Variants in CCSER1 observed in about 807,000 individuals in gnomAD.
The protein encoded by CCSER1 is serine-rich coiled-coil domain-containing protein 1.
In CCSER1, 41 loss-of-function variants were observed where a neutral mutation model predicts 82.0. The observed-to-expected ratio is 0.50, with a 90% CI of 0.39 to 0.65. The LOEUF (loss-of-function observed/expected upper bound fraction) is 0.65, where lower values mean the gene tolerates loss of function less well. Ranked by LOEUF, CCSER1 falls within the 30% of genes least tolerant of loss-of-function variation. CCSER1 has a pLI of 0.00. For synonymous variants in CCSER1, 414 were observed against 383.9 expected (o/e 1.08, Z -0.92); for missense variants, 1,119 against 1,064.2 (o/e 1.05, Z -0.72).
intron 4 of CCSER1, among the ~76,000 whole-genome samples, chr4:90,459,740 A>C (rs1011219656): frequency 1.1e-4 from 17 of 152,240 alleles, no homozygotes; most frequent in African/African-American, 3.9e-4. Context: ...TTATTAAAAT[A>C]AATGACACTT....
chr4:90,338,837 ATTGT>A (rs1740874732), intron 3 of CCSER1, among the ~76,000 whole-genome samples: 2 of 152,098 alleles, frequency 1.3e-5, no homozygotes, highest in Non-Finnish European at 2.9e-5. Flanking sequence ...ATAGCTTTTT[ATTGT>A]ATTGACATCA....
chr4:90,791,542 T>C (rs1258868631), intron 7 of CCSER1, among the ~76,000 whole-genome samples: 1 of 151,640 alleles, frequency 6.6e-6, no homozygotes, highest in Non-Finnish European at 1.5e-5. Context: ...TTTAATAACA[T>C]ATTTTTAAAT....
At chr4:90,731,997 T>C (rs17017488) in intron 7 of CCSER1, among the ~76,000 whole-genome samples, 68,238 of 150,206 alleles carry the variant, frequency 0.45, 16,304 homozygotes, top group African/African-American at 0.6. Flanking sequence ...AAGTCTGGTG[T>C]TGCACTGAAA....
chr4:91,070,463 T>A (rs765327787), intron 9 of CCSER1, among the ~76,000 whole-genome samples: 3 of 152,184 alleles, frequency 2.0e-5, no homozygotes, highest in Non-Finnish European at 4.4e-5. Flanking sequence ...TGTCAAGAAT[T>A]GTGCTCTTTG....
chr4:91,498,423 T>C (rs1210802533), intron 10 of CCSER1, among the ~76,000 whole-genome samples: 1 of 150,800 alleles, frequency 6.6e-6, no homozygotes, highest in Non-Finnish European at 1.5e-5. Flanking sequence ...AGAAAATCAC[T>C]CCTGAGTTTA....
At chr4:90,349,323 T>G (rs558018104) in intron 3 of CCSER1, among the ~76,000 whole-genome samples, 20 of 152,284 alleles carry the variant, frequency 1.3e-4, no homozygotes, top group African/African-American at 4.3e-4. Flanking sequence ...CCCTTGCATT[T>G]TAGATTTCTA....
chr4:90,200,377 A>G (rs1737454509), intron 1 of CCSER1, among the ~76,000 whole-genome samples: 1 of 152,176 alleles, frequency 6.6e-6, no homozygotes, highest in Non-Finnish European at 1.5e-5. Context: ...ATTTTAACCC[A>G]GAATAATAAA....
intron 5 of CCSER1, among the ~76,000 whole-genome samples, chr4:90,553,447 TA>T (rs1223920199): frequency 1.3e-5 from 2 of 152,218 alleles, no homozygotes; most frequent in African/African-American, 4.8e-5. Context: ...ATAAATTACT[TA>T]ATATTATTTC....
At chr4:90,922,286 G>A (rs930114085) in intron 8 of CCSER1, among the ~76,000 whole-genome samples, 1 of 151,942 alleles carries the variant, frequency 6.6e-6, no homozygotes, top group African/African-American at 2.4e-5. Flanking sequence ...GAGGGAATAG[G>A]GAGGGAGGGG....
At chr4:91,542,210 C>T (rs566745243) in intron 10 of CCSER1, among the ~76,000 whole-genome samples, 34 of 152,120 alleles carry the variant, frequency 2.2e-4, no homozygotes, top group South Asian at 8.3e-4. Context: ...TTTCTTTTGC[C>T]GTGCAGAAGC....
chr4:90,465,725 T>G (rs1763534933), intron 4 of CCSER1, among the ~76,000 whole-genome samples: 1 of 152,212 alleles, frequency 6.6e-6, no homozygotes, highest in Non-Finnish European at 1.5e-5. Flanking sequence ...GTGATGTGTG[T>G]GTGTCACTGA....
intron 6 of CCSER1, among the ~76,000 whole-genome samples, chr4:90,692,730 C>T (rs1398585677): frequency 6.6e-6 from 1 of 151,806 alleles, no homozygotes; most frequent in Admixed American, 6.6e-5. Context: ...CTTCAATAAA[C>T]ATGTCTAGAC....
At chr4:90,828,006 T>G (rs1015870630) in intron 8 of CCSER1, among the ~76,000 whole-genome samples, 4 of 152,118 alleles carry the variant, frequency 2.6e-5, no homozygotes, top group African/African-American at 9.7e-5. Flanking sequence ...CATGGTGGTT[T>G]GTGACAAAGT....
intron 3 of CCSER1, among the ~76,000 whole-genome samples, chr4:90,355,610 G>T (rs1744247021): frequency 6.6e-6 from 1 of 151,920 alleles, no homozygotes; most frequent in African/African-American, 2.4e-5. Context: ...AGCTGAGATA[G>T]GATGCTCTGT....
intron 9 of CCSER1, among the ~76,000 whole-genome samples, chr4:91,041,886 C>A (rs1204252197): frequency 1.3e-5 from 2 of 152,164 alleles, no homozygotes; most frequent in African/African-American, 4.8e-5. Context: ...TGAGGATGCG[C>A]AGACATTGTT....
chr4:90,410,815 A>G (rs1314850547), intron 4 of CCSER1, among the ~76,000 whole-genome samples: 2 of 152,234 alleles, frequency 1.3e-5, no homozygotes, highest in African/African-American at 4.8e-5. Flanking sequence ...AAAACCCTTC[A>G]AAAAATCAAT....
chr4:91,417,315 A>G (rs1753426402), intron 10 of CCSER1, among the ~76,000 whole-genome samples: 1 of 152,200 alleles, frequency 6.6e-6, no homozygotes, highest in Admixed American at 6.5e-5. Flanking sequence ...CAGAGATATC[A>G]TTTGACCCAG....
At chr4:91,180,401 C>G (rs1039541091) in intron 10 of CCSER1, among the ~76,000 whole-genome samples, 2 of 152,214 alleles carry the variant, frequency 1.3e-5, no homozygotes, top group African/African-American at 4.8e-5. Flanking sequence ...ATGTCCTGCC[C>G]CCAGAGGTGG....
At chr4:90,167,998 G>T (rs1032992666) in intron 1 of CCSER1, among the ~76,000 whole-genome samples, 12 of 152,162 alleles carry the variant, frequency 7.9e-5, no homozygotes, top group African/African-American at 2.9e-4. Context: ...CCAGTAATGG[G>T]ATGGCTGGGT....
Sources: gnomAD v4.1 joint callset for allele counts (sites outside exome capture counted in the v4.1 genomes callset) on GRCh38, gnomAD v4.1.1 for gene constraint, MANE v1.5 for transcripts, NCBI Gene and HGNC (gene_info 2026-07-23, HGNC 2026-07-21) for gene names.